CLVS1: variants seen among roughly 807,000 people sequenced by gnomAD.
CLVS1 encodes the protein clavesin 1.
In CLVS1, 10 loss-of-function variants were observed where a neutral mutation model predicts 33.1. The observed-to-expected ratio is 0.30, with a 90% CI of 0.19 to 0.51. The LOEUF is 0.51. Among genes scored for constraint, CLVS1 ranks in the 20% least tolerant of loss-of-function variants. CLVS1 has a pLI of 0.97. For synonymous variants in CLVS1, 163 were observed against 166.1 expected, an observed-to-expected ratio of 0.98 and a Z score of 0.14; for missense variants, 343 against 433.4, an observed-to-expected ratio of 0.79 and a Z score of 1.85.
rs772505669 is a variant in CLVS1, at chr8:61,320,381, T to TA, written c.455+20109dup. ...GCAATATTCTAAAAGATAAGTTTGTTAAAAAAAAAAGATAAGCTTTGTGCT... is the reference window on the plus strand; with the variant it reads ...GCAATATTCTAAAAGATAAGTTTGTTAAAAAAAAAAAGATAAGCTTTGTGCT... On this transcript the variant is annotated intron_variant, in intron 2 of 5. Coordinates refer to ENST00000325897, the MANE Select transcript of CLVS1 (RefSeq NM_173519.3). 8.5e-4 allele frequency among the ~76,000 whole-genome samples: 127 copies of TA among 149,538 alleles called. 1 individual carries two copies. The highest frequency in any genetic ancestry group is 4.3e-3 in the East Asian group (22 of 5,156).
chr8:61,212,505 G>T (rs142267450), intron 2 of CLVS1, among the ~76,000 whole-genome samples: 1 of 152,306 alleles, frequency 6.6e-6, no homozygotes, highest in African/African-American at 2.4e-5. Context: ...TGACGACACA[G>T]AGGAGCCATT....
the CLVS1 span, among the ~76,000 whole-genome samples, chr8:60,982,763 A>G: frequency 3.3e-5 from 5 of 152,136 alleles, no homozygotes; most frequent in Admixed American, 6.5e-5. Flanking sequence ...TTACCCAATA[A>G]CCAGTTACTA....
intron 1 of CLVS1, among the ~76,000 whole-genome samples, chr8:61,289,989 C>T (rs1011864707): frequency 6.6e-6 from 1 of 152,218 alleles, no homozygotes; most frequent in Non-Finnish European, 1.5e-5. Context: ...ATGTCCTTGG[C>T]TTGGTAATAT....
chr8:61,125,843 T>C (rs1156533593), intron 1 of CLVS1, among the ~76,000 whole-genome samples: 1 of 152,196 alleles, frequency 6.6e-6, no homozygotes, highest in Non-Finnish European at 1.5e-5. Context: ...CAATGACACA[T>C]AATGTATTTT....
chr8:61,223,198 G>A (rs1808257125), intron 2 of CLVS1, among the ~76,000 whole-genome samples: 2 of 152,078 alleles, frequency 1.3e-5, no homozygotes, highest in Non-Finnish European at 2.9e-5. Flanking sequence ...GTACTGTTAT[G>A]TATGAATTTG....
At chr8:61,122,353 C>T (rs552684928) in intron 1 of CLVS1, among the ~76,000 whole-genome samples, 4 of 152,200 alleles carry the variant, frequency 2.6e-5, no homozygotes, top group African/African-American at 9.6e-5. Context: ...ATAATTCAAG[C>T]CTCATACTCA....
At chr8:61,174,545 T>C (rs1411367553) in intron 2 of CLVS1, among the ~76,000 whole-genome samples, 2 of 152,220 alleles carry the variant, frequency 1.3e-5, no homozygotes, top group African/African-American at 4.8e-5. Flanking sequence ...AAATACACTG[T>C]GTGACCAGCT....
chr8:61,300,232 T>C lies in CLVS1; in HGVS notation c.405T>C (p.His135=), dbSNP rs750237795. 7 of 1,613,950 alleles carry C rather than the reference T, an allele frequency of 4.3e-6. No individual in the cohort carries two copies. Among genetic ancestry groups the C allele is most frequent in the African/African-American group, 1.3e-5 (1 of 75,030 alleles). Residue 135 remains histidine, a synonymous_variant, in exon 2 of 6, where the codon CAT becomes CAC. Transcript: ENST00000325897. ...GFPGVLENRD[H]YGRKILLLFA... The stretch of plus-strand genomic sequence containing the variant: ...CCGGGGTGCTGGAAAACCGAGACCA[T>C]TACGGCAGGAAGATTCTTTTGCTGT...
At chr8:61,368,925 G>T (rs1414685442) in intron 2 of CLVS1, among the ~76,000 whole-genome samples, 1 of 152,114 alleles carries the variant, frequency 6.6e-6, no homozygotes, top group Non-Finnish European at 1.5e-5. Flanking sequence ...ATTGAAATAA[G>T]ATAAAATTCA....
intron 2 of CLVS1, among the ~76,000 whole-genome samples, chr8:61,281,421 T>A (rs546063593): frequency 6.6e-6 from 1 of 152,172 alleles, no homozygotes; most frequent in Non-Finnish European, 1.5e-5. Context: ...GATATCCTCA[T>A]AAGAAGAGAA....
the CLVS1 span, among the ~76,000 whole-genome samples, chr8:61,037,770 C>T: frequency 9.2e-4 from 140 of 152,328 alleles, no homozygotes; most frequent in African/African-American, 3.0e-3. Flanking sequence ...AACCCCAGAG[C>T]TGTCAGAGAA....
chr8:61,229,173 T>A (rs1808385629), intron 2 of CLVS1, among the ~76,000 whole-genome samples: 1 of 152,204 alleles, frequency 6.6e-6, no homozygotes, highest in Non-Finnish European at 1.5e-5. Context: ...TTTCAATGAG[T>A]AAGTTAAAGC....
chr8:61,371,574 T>C (rs1035955212), intron 2 of CLVS1, among the ~76,000 whole-genome samples: 2 of 152,222 alleles, frequency 1.3e-5, no homozygotes, highest in African/African-American at 4.8e-5. Context: ...ATCATATCTT[T>C]ACATGGTTAT....
At chr8:61,151,429 AG>A (rs1173886008) in intron 2 of CLVS1, among the ~76,000 whole-genome samples, 2 of 152,204 alleles carry the variant, frequency 1.3e-5, no homozygotes, top group South Asian at 2.1e-4. Context: ...ACTAGGGCTT[AG>A]TGGGGTTGAA....
At chr8:61,333,467 G>A (rs1191372352) in intron 2 of CLVS1, among the ~76,000 whole-genome samples, 1 of 152,016 alleles carries the variant, frequency 6.6e-6, no homozygotes, top group Non-Finnish European at 1.5e-5. Context: ...GAAAAGTCTG[G>A]GAAATTAGAA....
intron 1 of CLVS1, among the ~76,000 whole-genome samples, chr8:61,068,315 CAAGGCCTT>C (rs1563390864): frequency 2.7e-5 from 4 of 150,552 alleles, no homozygotes; most frequent in Admixed American, 2.0e-4. Context: ...ACAGCTTCTT[CAAGGCCTT>C]AACACAGTTT....
At chr8:61,213,915 T>C (rs1257229626) in intron 2 of CLVS1, among the ~76,000 whole-genome samples, 1 of 152,196 alleles carries the variant, frequency 6.6e-6, no homozygotes, top group Non-Finnish European at 1.5e-5. Flanking sequence ...GAACTCTTTT[T>C]CTCAGCAAGA....
At chr8:61,445,778 G>A (rs1816740075) in intron 3 of CLVS1, among the ~76,000 whole-genome samples, 1 of 152,130 alleles carries the variant, frequency 6.6e-6, no homozygotes, top group Non-Finnish European at 1.5e-5. Context: ...GAATCTCCTA[G>A]TAAAATCATT....
chr8:60,991,001 G>A, the CLVS1 span, among the ~76,000 whole-genome samples: 3 of 152,116 alleles, frequency 2.0e-5, no homozygotes, highest in Non-Finnish European at 4.4e-5. Flanking sequence ...ATGAGCCAAC[G>A]TGCCCAACTA....
Sources: allele counts gnomAD v4.1 joint callset (sites outside exome capture counted in the v4.1 genomes callset), GRCh38; gene constraint gnomAD v4.1.1; transcripts MANE v1.5; gene names NCBI Gene and HGNC (gene_info 2026-07-23, HGNC 2026-07-21).